The following EPB41L2 variants were observed in gnomAD, a reference collection of about 807,000 sequenced individuals.
The protein encoded by EPB41L2 is band 4.1-like protein 2.
Under a neutral mutation model 113.0 loss-of-function variants are expected in EPB41L2, and 43 were observed. That is an observed-to-expected ratio of 0.38 (90% CI 0.30 to 0.49). EPB41L2 has a LOEUF of 0.49. EPB41L2 is among the 20% of genes least tolerant of loss of function. The probability of loss-of-function intolerance (pLI) is 0.95; values close to 1 mark genes in which losing one functional copy is unlikely to be tolerated. For synonymous variants in EPB41L2, 442 were observed against 436.7 expected (o/e 1.01, Z -0.15); for missense variants, 1,147 against 1,223.4 (o/e 0.94, Z 0.93).
At chr6:131,002,013 C>T (rs779958355) in intron 1 of EPB41L2, among the ~76,000 whole-genome samples, 4 of 152,184 alleles carry the variant, frequency 2.6e-5, no homozygotes, top group Non-Finnish European at 5.9e-5. Flanking sequence ...CTTCTCATCT[C>T]ACCAAATTCA....
chr6:130,890,085 G>T (rs1792290867), intron 11 of EPB41L2, among the ~76,000 whole-genome samples: 1 of 152,000 alleles, frequency 6.6e-6, no homozygotes, highest in Admixed American at 6.6e-5. Context: ...AAAGAAAAAA[G>T]TGTGACAGCT....
At chr6:131,023,776 T>C (rs559323508) in intron 1 of EPB41L2, among the ~76,000 whole-genome samples, 1 of 148,644 alleles carries the variant, frequency 6.7e-6, no homozygotes, top group Non-Finnish European at 1.5e-5. Context: ...TATATAGATA[T>C]ATAGATATAT....
intron 1 of EPB41L2, among the ~76,000 whole-genome samples, chr6:130,977,028 G>A (rs1027079092): frequency 6.6e-6 from 1 of 152,074 alleles, no homozygotes; most frequent in African/African-American, 2.4e-5. Flanking sequence ...TCCTTTGGGT[G>A]GTCAAAGAAA....
At chr6:130,997,652 G>C (rs929194213) in intron 1 of EPB41L2, among the ~76,000 whole-genome samples, 2 of 152,146 alleles carry the variant, frequency 1.3e-5, no homozygotes, top group African/African-American at 4.8e-5. Context: ...ACTGCAAAAT[G>C]GCATCTGCAG....
chr6:130,955,721 TA>T (rs1007172903), intron 2 of EPB41L2, among the ~76,000 whole-genome samples: 1 of 152,198 alleles, frequency 6.6e-6, no homozygotes. Flanking sequence ...GCATTCTGTT[TA>T]AAAAAGAGAT....
intron 18 of EPB41L2, among the ~76,000 whole-genome samples, chr6:130,859,257 C>G (rs1364501404): frequency 6.6e-6 from 1 of 152,170 alleles, no homozygotes; most frequent in East Asian, 1.9e-4. Flanking sequence ...CGTGGTGGCT[C>G]AGGCCTGTAA....
rs1240778305 is a variant in EPB41L2, at chr6:130,853,144, T to G, written c.*5+4987A>C. On this transcript the variant is annotated intron_variant, in intron 19 of 19. Transcript: ENST00000337057. ...CCAGTGGGCATTCCATACATATTTATGCAATGAACAAATAAATGAATGGAT... is the reference window on the plus strand; with the variant it reads ...CCAGTGGGCATTCCATACATATTTAGGCAATGAACAAATAAATGAATGGAT... Among the ~76,000 whole-genome samples, 10 of 152,328 alleles carry G rather than the reference T, an allele frequency of 6.6e-5. No homozygotes were observed. In the East Asian group the frequency reaches 1.9e-3, roughly 29 times the overall value.
chr6:131,032,223 G>A (rs1342076368), intron 1 of EPB41L2, among the ~76,000 whole-genome samples: 1 of 151,452 alleles, frequency 6.6e-6, no homozygotes, highest in Non-Finnish European at 1.5e-5. Context: ...GACTGGTATA[G>A]TGGTTTACAA....
intron 1 of EPB41L2, among the ~76,000 whole-genome samples, chr6:130,987,455 G>C (rs1162843772): frequency 6.6e-6 from 1 of 152,128 alleles, no homozygotes; most frequent in East Asian, 1.9e-4. Flanking sequence ...CCCTTTGGGA[G>C]GCCAAGACAG....
At chr6:131,018,717 A>G (rs1788789522) in intron 1 of EPB41L2, among the ~76,000 whole-genome samples, 1 of 152,192 alleles carries the variant, frequency 6.6e-6, no homozygotes, top group Non-Finnish European at 1.5e-5. Flanking sequence ...CATTTTGTAT[A>G]TGGTATGAAG....
chr6:130,948,191 A>G (rs564710226), intron 3 of EPB41L2, among the ~76,000 whole-genome samples: 1 of 152,256 alleles, frequency 6.6e-6, no homozygotes, highest in South Asian at 2.1e-4. Flanking sequence ...ATAAAAATGA[A>G]GACTCCTATG....
chr6:130,916,196 AT>A (rs1348835494), intron 4 of EPB41L2, among the ~76,000 whole-genome samples: 2 of 152,068 alleles, frequency 1.3e-5, no homozygotes, highest in African/African-American at 4.8e-5. Context: ...AGGTTACAGA[AT>A]TTTTTTTAAA....
At chr6:130,867,183 A>T (rs1360901644) in intron 16 of EPB41L2, among the ~76,000 whole-genome samples, 1 of 152,180 alleles carries the variant, frequency 6.6e-6, no homozygotes, top group Non-Finnish European at 1.5e-5. Context: ...CAACTCAGAA[A>T]TGGCTTTCAA....
intron 1 of EPB41L2, among the ~76,000 whole-genome samples, chr6:131,030,738 G>A (rs541188940): frequency 5.9e-5 from 9 of 151,968 alleles, no homozygotes; most frequent in Non-Finnish European, 4.4e-5. Context: ...AATTAATTGC[G>A]GTCCTCTGCC....
intron 3 of EPB41L2, among the ~76,000 whole-genome samples, chr6:130,934,689 G>C (rs187872919): frequency 1.3e-5 from 2 of 152,108 alleles, no homozygotes; most frequent in African/African-American, 4.8e-5. Flanking sequence ...ATCTTACCCA[G>C]GCTGGTCTCT....
At chr6:131,045,721 T>C (rs73623383) in intron 1 of EPB41L2, among the ~76,000 whole-genome samples, 109 of 152,300 alleles carry the variant, frequency 7.2e-4, no homozygotes, top group African/African-American at 2.5e-3. Context: ...GCTTACTCGG[T>C]TTCCCTATAA....
chr6:130,863,810 C>CTG (rs1782887258), intron 17 of EPB41L2, 92 bp from the exon 18 acceptor site: 1 of 775,086 alleles, frequency 1.3e-6, no homozygotes, highest in Non-Finnish European at 2.2e-6. Flanking sequence ...CCACCTAGAC[C>CTG]TGTGGATCAT....
chr6:130,982,028 TCA>T (rs1220604689), intron 1 of EPB41L2, among the ~76,000 whole-genome samples: 6 of 152,028 alleles, frequency 3.9e-5, no homozygotes, highest in African/African-American at 1.4e-4. Flanking sequence ...TGATTAGCAT[TCA>T]TATTCAGAAC....
intron 4 of EPB41L2, among the ~76,000 whole-genome samples, chr6:130,924,882 C>T (rs1282628268): frequency 1.3e-5 from 2 of 152,148 alleles, no homozygotes; most frequent in Non-Finnish European, 2.9e-5. Context: ...TTAATGTCTA[C>T]ATATACGGAG....
Sources: gnomAD v4.1 joint callset for allele counts (sites outside exome capture counted in the v4.1 genomes callset) on GRCh38, gnomAD v4.1.1 for gene constraint, MANE v1.5 for transcripts, NCBI Gene and HGNC (gene_info 2026-07-23, HGNC 2026-07-21) for gene names.